The following JAML variants were observed in gnomAD, a reference collection of about 807,000 sequenced individuals.
The protein encoded by JAML is junction adhesion molecule like, also known as junctional adhesion molecule-like.
In JAML, 25 loss-of-function variants were observed where a neutral mutation model predicts 39.3. The observed-to-expected ratio is 0.64, with a 90% confidence interval of 0.46 to 0.89. The LOEUF (loss-of-function observed/expected upper bound fraction) is 0.89. JAML is among the 40% of genes least tolerant of loss of function. JAML has a pLI of 0.00. For missense variants in JAML, 440 were observed against 486.9 expected (o/e 0.90, Z 0.91); for synonymous variants, 162 against 179.2 (o/e 0.90, Z 0.77).
intron 1 of JAML, among the ~76,000 whole-genome samples, chr11:118,221,409 G>A (rs985486808): frequency 2.6e-5 from 4 of 152,176 alleles, no homozygotes; most frequent in African/African-American, 9.7e-5. Context: ...ACCAGGGAGG[G>A]TGGGTGATGA....
chr11:118,211,289 C>T (rs968908538), intron 3 of JAML, among the ~76,000 whole-genome samples: 11 of 152,186 alleles, frequency 7.2e-5, no homozygotes, highest in South Asian at 2.1e-4. Context: ...GTCACCCGGG[C>T]TGGAGTGCAG....
At chr11:118,199,693 A>ATTTTTT (rs34379845) in intron 7 of JAML, among the ~76,000 whole-genome samples, 3 of 107,118 alleles carry the variant, frequency 2.8e-5, no homozygotes, top group Admixed American at 1.0e-4. Flanking sequence ...TATTATTATT[A>ATTTTTT]TTTTTTTTTT....
chr11:118,211,115 G>C (rs914705812), intron 3 of JAML, among the ~76,000 whole-genome samples: 2 of 152,318 alleles, frequency 1.3e-5, no homozygotes, highest in East Asian at 3.9e-4. Context: ...TGGTGTTGGC[G>C]TAAGAATTCC....
chr11:118,224,796 A>T (rs771803673), intron 1 of JAML, 145 bp downstream of exon 1: 3 of 152,252 alleles, frequency 2.0e-5, no homozygotes, highest in Non-Finnish European at 4.4e-5. Flanking sequence ...CTACTTTATG[A>T]CATCCCCCTG....
intron 4 of JAML, among the ~76,000 whole-genome samples, chr11:118,206,369 T>G (rs956001044): frequency 3.3e-5 from 5 of 152,194 alleles, no homozygotes; most frequent in African/African-American, 1.2e-4. Flanking sequence ...TAATTTCACA[T>G]CAAGTTTGTA....
At chr11:118,213,891 G>A (rs765205124) in intron 2 of JAML, among the ~76,000 whole-genome samples, 4 of 152,136 alleles carry the variant, frequency 2.6e-5, no homozygotes, top group Non-Finnish European at 4.4e-5. Context: ...AATACCTTCT[G>A]AGATCATTAT....
chr11:118,212,508 G>A lies in JAML; in HGVS notation c.97C>T (p.His33Tyr). ...CCCATCAGAGCTGAATCACCCACAT[G>A]GACTGTTAGCTCAGGCGGGGAAACA... is the stretch of plus-strand genomic sequence containing the variant. Reference protein sequence around the residue: ...LNVSPPELTVHVGDSALMGCV... With the variant: ...LNVSPPELTVYVGDSALMGCV... Residue 33 changes from histidine (H) to tyrosine (Y), a missense_variant, in exon 3 of 10, where the codon CAT becomes TAT. His to Tyr is a moderately conservative substitution (Grantham distance 83, BLOSUM62 2). Coordinates refer to ENST00000356289, the MANE Select transcript of JAML (RefSeq NM_001098526.2). The A allele has an allele frequency of 6.2e-7, 1 of 1,614,128 alleles. No individual in the cohort carries two copies. The highest frequency in any genetic ancestry group is 8.5e-7 in the Non-Finnish European group (1 of 1,180,018).
chr11:118,208,226 C>A (rs1158501430), intron 4 of JAML, among the ~76,000 whole-genome samples: 7 of 71,220 alleles, frequency 9.8e-5, no homozygotes, highest in African/African-American at 3.2e-4. Context: ...AGAGCAAGAC[C>A]CCACCTAAAA....
intron 9 of JAML, 28 bp downstream of exon 9, chr11:118,196,707 G>T: frequency 6.3e-7 from 1 of 1,580,616 alleles, no homozygotes; most frequent in Non-Finnish European, 8.7e-7. Flanking sequence ...CTGACACCTG[G>T]CTCAGCTGAG....
chr11:118,195,975 G>A (rs1029908182), intron 9 of JAML, among the ~76,000 whole-genome samples: 2 of 151,780 alleles, frequency 1.3e-5, no homozygotes, highest in Admixed American at 6.6e-5. Flanking sequence ...GGGATTACAG[G>A]TGCCCGCCAC....
At chr11:118,218,203 C>T (rs1565485564) in intron 1 of JAML, among the ~76,000 whole-genome samples, 2 of 152,214 alleles carry the variant, frequency 1.3e-5, no homozygotes, top group African/African-American at 2.4e-5. Flanking sequence ...AAGTGATTCT[C>T]CTGCCTCGGC....
At chr11:118,213,053 A>G in intron 2 of JAML, 2 of 1,588,442 alleles carry the variant, frequency 1.3e-6, no homozygotes, top group East Asian at 4.5e-5. Flanking sequence ...TTCTGGCTGT[A>G]GGGCAGGTCC....
intron 5 of JAML, 22 bp from the exon 6 acceptor site, chr11:118,203,687 T>C: frequency 6.3e-7 from 1 of 1,588,296 alleles, no homozygotes; most frequent in Non-Finnish European, 8.6e-7. Context: ...AGACAAAAAG[T>C]ATGATATTGT....
chr11:118,207,184 C>T (rs1001381085), intron 4 of JAML, among the ~76,000 whole-genome samples: 1 of 152,252 alleles, frequency 6.6e-6, no homozygotes, highest in Non-Finnish European at 1.5e-5. Flanking sequence ...TTAAATCTAT[C>T]AGCACATTAA....
chr11:118,204,064 C>A, intron 5 of JAML: 1 of 209,768 alleles, frequency 4.8e-6, no homozygotes. Flanking sequence ...CCAGTCCATC[C>A]CATTTTGGTA....
chr11:118,198,460 A>G (rs1163114989), intron 7 of JAML, among the ~76,000 whole-genome samples: 1 of 152,024 alleles, frequency 6.6e-6, no homozygotes, highest in Non-Finnish European at 1.5e-5. Context: ...GTGCCGCGAA[A>G]CCAGCAGGGG....
intron 4 of JAML, among the ~76,000 whole-genome samples, chr11:118,208,627 A>T (rs1158679180): frequency 6.6e-6 from 1 of 152,242 alleles, no homozygotes; most frequent in Non-Finnish European, 1.5e-5. Context: ...ATGGCCCCAG[A>T]TTCTAGTTCC....
chr11:118,219,362 T>C (rs1003881989), intron 1 of JAML, among the ~76,000 whole-genome samples: 4 of 152,222 alleles, frequency 2.6e-5, no homozygotes, highest in African/African-American at 9.7e-5. Flanking sequence ...GAGAACAGTA[T>C]GTGTGTAGTC....
At chr11:118,207,383 G>A (rs1183547661) in intron 4 of JAML, among the ~76,000 whole-genome samples, 1 of 152,180 alleles carries the variant, frequency 6.6e-6, no homozygotes, top group African/African-American at 2.4e-5. Context: ...ACATGGCCAG[G>A]AAAGGTAAAG....
Sources: allele counts gnomAD v4.1 joint callset (sites outside exome capture counted in the v4.1 genomes callset), GRCh38; gene constraint gnomAD v4.1.1; transcripts MANE v1.5; gene names NCBI Gene and HGNC (gene_info 2026-07-23, HGNC 2026-07-21).